Variants in SKP1 observed in about 807,000 individuals in gnomAD.
SKP1 encodes S-phase kinase associated protein 1.
In SKP1, 1 loss-of-function variant was observed where a neutral mutation model predicts 21.5. The ratio of observed to expected loss-of-function variants is 0.05; its 90% confidence interval spans 0.02 to 0.22. The LOEUF (loss-of-function observed/expected upper bound fraction) is 0.22, where lower values mean the gene tolerates loss of function less well. SKP1 is among the 10% of genes least tolerant of loss of function. SKP1 has a pLI of 1.00. For synonymous variants in SKP1, 59 were observed against 59.3 expected (o/e 0.99, Z 0.03); for missense variants, 70 against 192.0 (o/e 0.36, Z 3.76).
At chr5:134,158,326 C>A in intron 5 of SKP1, 129 bp downstream of exon 5, 2 of 1,566,490 alleles carry the variant, frequency 1.3e-6, no homozygotes, top group Admixed American at 1.8e-5. Context: ...ATGTTTAAGA[C>A]ACATTAAGTA....
At position 134,153,491 on chromosome 5, in the gene SKP1, G is replaced by A. The variant is rs77914889; in HGVS notation, c.*4242C>T. 797 of 152,312 alleles carry A rather than the reference G, an allele frequency of 5.2e-3. 3 individuals are homozygous for A. The highest frequency in any genetic ancestry group is 8.4e-3 in the Non-Finnish European group (572 of 68,124). The allele number at this position is 152,312 out of a possible 1,614,324, so 9.4% of individuals were successfully genotyped here. On this transcript the variant is annotated 3_prime_UTR_variant, in exon 6 of 6. Coordinates refer to ENST00000353411, the MANE Select transcript of SKP1 (RefSeq NM_170679.3). The stretch of plus-strand genomic sequence containing the variant: ...GGTGAGACCTTGTCTCTTAAAAGAA[G>A]AATCAAAAAGCTCTTCGGGCTACTC...
chr5:134,154,465 A>C lies in SKP1; in HGVS notation c.*3268T>G, dbSNP rs1488862909. Reference sequence around the variant, plus strand: ...TCTGTCTCAAAAAAAAAAAAAAAAAAAAAAAAATTATTAGAATTTGAGGGG... The same window carrying C: ...TCTGTCTCAAAAAAAAAAAAAAAAACAAAAAAATTATTAGAATTTGAGGGG... On this transcript the variant is annotated 3_prime_UTR_variant, in exon 6 of 6. Transcript: ENST00000353411. 1.3e-4 allele frequency: 20 copies of C among 151,768 alleles called. No individual in the cohort carries two copies. In the East Asian group the frequency reaches 3.5e-3, roughly 26 times the overall value. The allele number at this position is 151,768 out of a possible 1,614,324, so 9.4% of individuals were successfully genotyped here.
chr5:134,171,157 T>C lies in SKP1; in HGVS notation c.97+2769A>G, dbSNP rs763160921. The C allele has an allele frequency of 3.7e-5, 14 of 377,966 alleles. No individual in the cohort carries two copies. In the East Asian group the frequency reaches 5.9e-4, roughly 16 times the overall value. The allele number at this position is 377,966 out of a possible 1,614,324, so 23.4% of individuals were successfully genotyped here. A position where few individuals can be genotyped will look rare whatever the true frequency, so the allele number is the denominator to read the frequency against. ...TACTAAAGAGAATTCTAAGCTTTTA[T>C]CAGAAAACAGAAGTCACCCACTTAG... On this transcript the variant is annotated intron_variant, in intron 2 of 5. Transcript: ENST00000353411.
chr5:134,171,969 G>A (rs978107009), intron 2 of SKP1, among the ~76,000 whole-genome samples: 3 of 152,168 alleles, frequency 2.0e-5, no homozygotes, highest in East Asian at 1.9e-4. Flanking sequence ...GCTTGAAGCC[G>A]GGAGGCAGAG....
rs769809420 is a variant in SKP1, at chr5:134,151,792, C to G, written c.*5941G>C. ...CAGACCAGAGGTAGCCAGCAGTACA[C>G]AAGACTGCAAGGCAACAAGTACATT... On this transcript the variant is annotated 3_prime_UTR_variant, in exon 6 of 6. Transcript: ENST00000353411. The G allele has an allele frequency of 4.0e-5, 16 of 403,602 alleles. No individual in the cohort carries two copies. Among genetic ancestry groups the G allele is most frequent in the Non-Finnish European group, 6.1e-5 (12 of 196,612 alleles). 25.0% of individuals were successfully genotyped at this position (403,602 alleles called of 1,614,324 possible).
At chr5:134,165,882 A>C (rs1329942562) in intron 3 of SKP1, among the ~76,000 whole-genome samples, 4 of 146,718 alleles carry the variant, frequency 2.7e-5, no homozygotes, top group Non-Finnish European at 4.5e-5. Context: ...TGAGATCAAA[A>C]AAACAAACAA....
intron 2 of SKP1, among the ~76,000 whole-genome samples, chr5:134,171,509 T>A (rs1761439996): frequency 6.6e-6 from 1 of 152,154 alleles, no homozygotes; most frequent in African/African-American, 2.4e-5. Flanking sequence ...GGGGCCAATA[T>A]CCACAAACTC....
At chr5:134,173,721 A>G (rs185749491) in intron 2 of SKP1, 1 of 664,094 alleles carries the variant, frequency 1.5e-6, no homozygotes, top group African/African-American at 1.8e-5. Context: ...TATCCATTTA[A>G]TGAGAGAACG....
intron 2 of SKP1, among the ~76,000 whole-genome samples, chr5:134,170,024 C>T (rs1041228984): frequency 1.4e-5 from 2 of 144,462 alleles, no homozygotes; most frequent in African/African-American, 2.6e-5. Flanking sequence ...AAAAAATTAG[C>T]TGGGTGTGGT....
chr5:134,158,634 T>C, intron 4 of SKP1, 39 bp from the exon 5 acceptor site: 1 of 1,566,902 alleles, frequency 6.4e-7, no homozygotes, highest in Non-Finnish European at 8.8e-7. Context: ...GTATACTTGA[T>C]GTTTTAAACT....
intron 3 of SKP1, among the ~76,000 whole-genome samples, chr5:134,165,573 G>C (rs1308820647): frequency 8.4e-6 from 1 of 119,260 alleles, no homozygotes; most frequent in Non-Finnish European, 1.6e-5. Flanking sequence ...CTGGGCGACA[G>C]AGTGTCTGTC....
At chr5:134,165,697 C>T (rs1384751931) in intron 3 of SKP1, among the ~76,000 whole-genome samples, 1 of 150,922 alleles carries the variant, frequency 6.6e-6, no homozygotes, top group Non-Finnish European at 1.5e-5. Flanking sequence ...CCAGCCTGAC[C>T]AACATGGTGA....
chr5:134,159,075 A>T (rs1430640580), intron 4 of SKP1, among the ~76,000 whole-genome samples: 1 of 152,024 alleles, frequency 6.6e-6, no homozygotes, highest in African/African-American at 2.4e-5. Flanking sequence ...AGTTAATTTC[A>T]TCTTTTACTA....
At position 134,152,981 on chromosome 5, in the gene SKP1, T is replaced by G. The variant is rs1297623496; in HGVS notation, c.*4752A>C. The G allele has an allele frequency of 6.6e-6, 1 of 152,248 alleles. No individual in the cohort carries two copies. Among genetic ancestry groups the G allele is most frequent in the African/African-American group, 2.4e-5 (1 of 41,466 alleles). 9.4% of individuals were successfully genotyped at this position (152,248 alleles called of 1,614,324 possible). ...CCAAGGAGAAGCCAGGAGCTACACT[T>G]TAAGGATTCAGCCATTTTGTAAGCT... On this transcript the variant is annotated 3_prime_UTR_variant, in exon 6 of 6. Coordinates refer to ENST00000353411, the MANE Select transcript of SKP1 (RefSeq NM_170679.3).
intron 5 of SKP1, 152 bp downstream of exon 5, chr5:134,158,303 G>A: frequency 6.5e-7 from 1 of 1,528,870 alleles, no homozygotes; most frequent in South Asian, 1.3e-5. Context: ...CATAAAGACA[G>A]AACAGTAAGA....
chr5:134,164,291 C>A (rs1317278258), intron 3 of SKP1, among the ~76,000 whole-genome samples: 1 of 147,890 alleles, frequency 6.8e-6, no homozygotes, highest in Non-Finnish European at 1.5e-5. Context: ...TGTACTCCAG[C>A]CTGGGCAACA....
chr5:134,164,905 A>G (rs1761297972), intron 3 of SKP1, among the ~76,000 whole-genome samples: 1 of 152,240 alleles, frequency 6.6e-6, no homozygotes, highest in African/African-American at 2.4e-5. Flanking sequence ...TGAACCTTGA[A>G]AACATTATGC....
Position 134,153,291 on chromosome 5 carries a change from G to A in SKP1, c.*4442C>T, listed in dbSNP as rs1393968842. 2.0e-5 allele frequency: 3 copies of A among 152,096 alleles called. No homozygotes were observed. Among genetic ancestry groups the A allele is most frequent in the Non-Finnish European group, 4.4e-5 (3 of 68,064 alleles). The allele number at this position is 152,096 out of a possible 1,614,324, so 9.4% of individuals were successfully genotyped here. On this transcript the variant is annotated 3_prime_UTR_variant, in exon 6 of 6. Transcript: ENST00000353411. ...TCGAAAACAGCCTGGGCAACATGAG[G>A]AGACCTCATCTCTATAAAAATCAAT...
At chr5:134,171,819 C>T (rs540251763) in intron 2 of SKP1, among the ~76,000 whole-genome samples, 1 of 152,200 alleles carries the variant, frequency 6.6e-6, no homozygotes, top group East Asian at 1.9e-4. Context: ...CTGAGGTGGG[C>T]GGATCACCTG....
Sources: gnomAD v4.1 joint callset for allele counts (sites outside exome capture counted in the v4.1 genomes callset) on GRCh38, gnomAD v4.1.1 for gene constraint, MANE v1.5 for transcripts, NCBI Gene and HGNC (gene_info 2026-07-23, HGNC 2026-07-21) for gene names.